Variants in PIH1D1 observed in about 807,000 individuals in gnomAD.
PIH1D1 encodes the protein PIH1 domain containing 1, also known as PIH1 domain-containing protein 1.
PIH1D1 carries 28 observed loss-of-function variants against 38.5 expected under a neutral mutation model. The ratio of observed to expected loss-of-function variants is 0.73; its 90% confidence interval spans 0.54 to 1.00. PIH1D1 has a LOEUF of 1.00. PIH1D1 is among the 50% of genes least tolerant of loss of function. PIH1D1 has a pLI of 0.00. For missense variants in PIH1D1, 343 were observed against 369.9 expected, an observed-to-expected ratio of 0.93 and a Z score of 0.60; for synonymous variants, 155 against 153.5, an observed-to-expected ratio of 1.01 and a Z score of -0.07.
chr19:49,447,316 C>T lies in PIH1D1; in HGVS notation c.611+22G>A, dbSNP rs776134672. The T allele has an allele frequency of 5.0e-6, 8 of 1,613,492 alleles. No homozygotes were observed. In the South Asian group the frequency reaches 8.8e-5, roughly 18 times the overall value. ...CAAGAGCGTTGAGGAAACATCAGAC[C>T]GGGGATCTACCGAAGGCCCACCCTG... is the stretch of plus-strand genomic sequence containing the variant. On this transcript the variant is annotated intron_variant, in intron 6 of 8. Transcript: ENST00000262265.
intron 3 of PIH1D1, 97 bp from the exon 4 acceptor site, chr19:49,448,159 G>T (rs1289888930): frequency 2.4e-6 from 3 of 1,225,792 alleles, no homozygotes; most frequent in Non-Finnish European, 3.5e-6. Flanking sequence ...GACAGCGGCC[G>T]TAAGAAGCAG....
At chr19:49,450,921 C>A (rs752493205) in intron 1 of PIH1D1, 73 bp from the exon 2 acceptor site, 2 of 1,609,140 alleles carry the variant, frequency 1.2e-6, no homozygotes. Context: ...TCAAATGGAG[C>A]AATTCTTATG....
chr19:49,451,260 A>C (rs1365330966), intron 1 of PIH1D1: 18 of 549,326 alleles, frequency 3.3e-5, no homozygotes, highest in Non-Finnish European at 5.7e-5. Flanking sequence ...CGATCTCCTG[A>C]CCTCGTGATC....
Position 49,448,072 on chromosome 19 carries a change from G to GA in PIH1D1, c.338-11dup, listed in dbSNP as rs765480517. 1 of 1,613,982 alleles carries GA rather than the reference G, an allele frequency of 6.2e-7. No homozygotes were observed. The highest frequency in any genetic ancestry group is 1.1e-5 in the South Asian group (1 of 91,076). On this transcript the variant is annotated splice_polypyrimidine_tract_variant and intron_variant, in intron 3 of 8. Transcript: ENST00000262265. Reference sequence around the variant, plus strand: ...GTACATCCCTGGCCTTCTGCGGGGAGAAAAAGGGGGTGAGGACCCCCCAGC... The same window carrying GA: ...GTACATCCCTGGCCTTCTGCGGGGAGAAAAAAGGGGGTGAGGACCCCCCAGC...
chr19:49,449,400 G>A (rs1363760443), intron 3 of PIH1D1, 75 bp downstream of exon 3: 5 of 1,409,808 alleles, frequency 3.5e-6, no homozygotes, highest in Non-Finnish European at 4.0e-6. Context: ...GGAGGGTCCT[G>A]GGCCCAGGAT....
At chr19:49,447,264 G>A (rs2079029153) in intron 6 of PIH1D1, 74 bp downstream of exon 6, 4 of 1,586,440 alleles carry the variant, frequency 2.5e-6, no homozygotes, top group Admixed American at 3.4e-5. Flanking sequence ...ACATCACCCA[G>A]TGTGGGAGGA....
chr19:49,447,409 G>C lies in PIH1D1; in HGVS notation c.540C>G (p.Arg180=), dbSNP rs762209924. The part of the protein sequence containing the change: ...FMGSISQQNI[R]SEQRPRIQEL... Reference sequence around the variant, plus strand: ...CCTGGATCCGAGGACGCTGCTCCGAGCGGATGTTCTGCTGCGAGATGGAGC... The same window carrying C: ...CCTGGATCCGAGGACGCTGCTCCGACCGGATGTTCTGCTGCGAGATGGAGC... Residue 180 remains arginine (R), a synonymous_variant, in exon 6 of 9, where the codon CGC becomes CGG. Coordinates refer to ENST00000262265, the MANE Select transcript of PIH1D1 (RefSeq NM_017916.3). 5 of 1,613,278 alleles carry C rather than the reference G, an allele frequency of 3.1e-6. No individual in the cohort carries two copies. The highest frequency in any genetic ancestry group is 4.2e-6 in the Non-Finnish European group (5 of 1,179,980).
intron 1 of PIH1D1, 25 bp downstream of exon 1, chr19:49,451,460 G>A: frequency 6.2e-7 from 1 of 1,613,260 alleles, no homozygotes; most frequent in African/African-American, 1.3e-5. Context: ...GAATACTCAA[G>A]GATCCAGGGG....
intron 2 of PIH1D1, among the ~76,000 whole-genome samples, chr19:49,450,421 G>C (rs2079051351): frequency 6.7e-6 from 1 of 150,332 alleles, no homozygotes; most frequent in South Asian, 2.1e-4. Context: ...GTTGTTGTTT[G>C]TTTCGTTTTG....
Position 49,446,638 on chromosome 19 carries a change from G to T in PIH1D1, c.744C>A (p.Gly248=), listed in dbSNP as rs780876091. 2.1e-5 allele frequency: 34 copies of T among 1,605,980 alleles called. No individual in the cohort carries two copies. The highest frequency in any genetic ancestry group is 2.9e-5 in the Non-Finnish European group (34 of 1,175,762). ...CGTCTAGATGATACAGCTGCTGGGGGCCCCCCATCACCAGGCGGTTCTCCC... is the reference window on the plus strand; with the variant it reads ...CGTCTAGATGATACAGCTGCTGGGGTCCCCCCATCACCAGGCGGTTCTCCC... ...EIGENRLVMG[G]PQQLYHLDAY... The change falls in exon 8 of 9, where the codon GGC becomes GGA. Residue 248 remains glycine, a synonymous_variant. Coordinates refer to ENST00000262265, the MANE Select transcript of PIH1D1 (RefSeq NM_017916.3).
Position 49,451,812 on chromosome 19 carries a change from A to T in PIH1D1, c.-238T>A. On this transcript the variant is annotated 5_prime_UTR_variant, in exon 1 of 9. Transcript: ENST00000262265. ...CCTCCGTCCTACGTGCCGAACTGTA[A>T]ACGAAGCCACACTTCCGGTCTATCG... The T allele has an allele frequency of 8.1e-7, 1 of 1,234,892 alleles. No homozygotes were observed. The highest frequency in any genetic ancestry group is 2.9e-5 in the East Asian group (1 of 35,052). 76.5% of individuals were successfully genotyped at this position (1,234,892 alleles called of 1,614,324 possible).
intron 2 of PIH1D1, 65 bp downstream of exon 2, chr19:49,450,717 C>A: frequency 2.2e-6 from 1 of 460,432 alleles, no homozygotes; most frequent in South Asian, 3.6e-5. Context: ...GTGTCTCTTT[C>A]CTTCCTCCTC....
rs2079054183 is a variant in PIH1D1 at position 49,450,858 on chromosome 19, G to A, written c.91-10C>T. On this transcript the variant is annotated splice_polypyrimidine_tract_variant and intron_variant, in intron 1 of 8. Coordinates refer to ENST00000262265, the MANE Select transcript of PIH1D1 (RefSeq NM_017916.3). The stretch of plus-strand genomic sequence containing the variant: ...GGAGCTCCTTCGAGGCCTGTATAAA[G>A]GAAAACTACCTCCAGGCTCGGAGTC... 1 of 1,613,574 alleles carries A rather than the reference G, an allele frequency of 6.2e-7. No individual in the cohort carries two copies. Among genetic ancestry groups the A allele is most frequent in the Admixed American group, 1.7e-5 (1 of 59,962 alleles).
At chr19:49,451,430 A>G in intron 1 of PIH1D1, 55 bp downstream of exon 1, 2 of 1,609,316 alleles carry the variant, frequency 1.2e-6, no homozygotes, top group Non-Finnish European at 1.7e-6. Flanking sequence ...CCCATCTTTG[A>G]GCACCCCGCC....
chr19:49,448,760 G>A (rs189131098), intron 3 of PIH1D1, among the ~76,000 whole-genome samples: 19 of 152,278 alleles, frequency 1.2e-4, no homozygotes, highest in East Asian at 3.9e-4. Context: ...CTTATTCCCC[G>A]GGGCACTGCC....
In PIH1D1 at chr19:49,451,517, C is replaced by G. The variant is rs778777015; in HGVS notation, c.58G>C (p.Asp20His). Residue 20 changes from aspartate (D) to histidine (H), a missense_variant, in exon 1 of 9, where the codon GAT becomes CAT. Asp to His is a moderately conservative substitution (Grantham distance 81). Transcript: ENST00000262265. ...GLSEAEAIGA[D>H]SARFEELLLQ... ...AGCAGCTCCTCAAATCGCGCCGAATCAGCACCGATCGCCTCCGCCTCGCTT... is the reference window on the plus strand; with the variant it reads ...AGCAGCTCCTCAAATCGCGCCGAATGAGCACCGATCGCCTCCGCCTCGCTT... 17 of 1,613,774 alleles carry G rather than the reference C, an allele frequency of 1.1e-5. No homozygotes were observed. The highest frequency in any genetic ancestry group is 1.7e-5 in the Admixed American group (1 of 59,974).
In PIH1D1 at chr19:49,451,621, A is replaced by C. The variant is rs2079061648; in HGVS notation, c.-47T>G. 6.2e-7 allele frequency: 1 copy of C among 1,605,568 alleles called. No homozygotes were observed. Among genetic ancestry groups the C allele is most frequent in the African/African-American group, 1.3e-5 (1 of 74,732 alleles). On this transcript the variant is annotated 5_prime_UTR_variant, in exon 1 of 9. Transcript: ENST00000262265. ...GCGTCCTCGAGACCCTCAACGTGGGAAACTTTGCCCAGGATCCGAACCCCA... is the reference window on the plus strand; with the variant it reads ...GCGTCCTCGAGACCCTCAACGTGGGCAACTTTGCCCAGGATCCGAACCCCA...
rs778851911 is a variant in PIH1D1 at position 49,448,363 on chromosome 19, G to A, written c.338-301C>T. On this transcript the variant is annotated intron_variant, in intron 3 of 8. Transcript: ENST00000262265. The stretch of plus-strand genomic sequence containing the variant: ...AAGGTCTGAGCCCCACAAGCCTGGC[G>A]TTGGAGACCCTATGTGGTCTGCCCC... The A allele has an allele frequency of 3.3e-5, 15 of 458,636 alleles. 1 individual carries two copies. Among genetic ancestry groups the A allele is most frequent in the Admixed American group, 1.8e-4 (5 of 28,086 alleles). The allele number at this position is 458,636 out of a possible 1,614,324, so 28.4% of individuals were successfully genotyped here.
rs2079063190 is a variant in PIH1D1, at chr19:49,451,807, C to A, written c.-233G>T. ...ACTACCCTCCGTCCTACGTGCCGAA[C>A]TGTAAACGAAGCCACACTTCCGGTC... On this transcript the variant is annotated 5_prime_UTR_variant, in exon 1 of 9. Coordinates refer to ENST00000262265, the MANE Select transcript of PIH1D1 (RefSeq NM_017916.3). 1 of 1,286,548 alleles carries A rather than the reference C, an allele frequency of 7.8e-7. No individual in the cohort carries two copies. The highest frequency in any genetic ancestry group is 1.0e-6 in the Non-Finnish European group (1 of 986,744). 79.7% of individuals were successfully genotyped at this position (1,286,548 alleles called of 1,614,324 possible). A position where few individuals can be genotyped will look rare whatever the true frequency, so the allele number is the denominator to read the frequency against.
Sources: allele counts gnomAD v4.1 joint callset (sites outside exome capture counted in the v4.1 genomes callset), GRCh38; gene constraint gnomAD v4.1.1; transcripts MANE v1.5; gene names NCBI Gene and HGNC (gene_info 2026-07-23, HGNC 2026-07-21).